Variants in AGO2 observed in about 807,000 individuals in gnomAD.
AGO2 encodes the protein argonaute RISC catalytic component 2.
Under a neutral mutation model 102.3 loss-of-function variants are expected in AGO2, and 5 were observed. The observed-to-expected ratio is 0.05, with a 90% confidence interval of 0.03 to 0.10. The LOEUF is 0.10. AGO2 is among the 10% of genes least tolerant of loss of function. The pLI is 1.00. For missense variants in AGO2, 541 were observed against 1,183.7 expected (o/e 0.46, Z 7.97); for synonymous variants, 449 against 473.1 (o/e 0.95, Z 0.66).
chr8:140,571,666 C>G (rs1470657716), intron 3 of AGO2, among the ~76,000 whole-genome samples: 2 of 152,214 alleles, frequency 1.3e-5, no homozygotes, highest in Non-Finnish European at 2.9e-5. Flanking sequence ...ATGTTGTTCC[C>G]AGAGGGAATC....
chr8:140,610,638 C>G (rs1345006433), intron 1 of AGO2, among the ~76,000 whole-genome samples: 12 of 152,224 alleles, frequency 7.9e-5, no homozygotes. Flanking sequence ...AGCAGGGAGC[C>G]CGGCTCCCAT....
intron 1 of AGO2, among the ~76,000 whole-genome samples, chr8:140,630,418 C>G (rs1262659402): frequency 6.6e-6 from 1 of 152,210 alleles, no homozygotes; most frequent in Non-Finnish European, 1.5e-5. Flanking sequence ...GCGATTTGGT[C>G]ACAACGTGTA....
rs543534813 is a variant in AGO2 at position 140,524,305 on chromosome 8, C to T, written c.*7739G>A. The T allele has an allele frequency of 1.3e-5, 2 of 152,334 alleles. No homozygotes were observed. Among genetic ancestry groups the T allele is most frequent in the South Asian group, 2.1e-4 (1 of 4,830 alleles). The allele number at this position is 152,334 out of a possible 1,614,324, so 9.4% of individuals were successfully genotyped here. A position where few individuals can be genotyped will look rare whatever the true frequency, so the allele number is the denominator to read the frequency against. On this transcript the variant is annotated 3_prime_UTR_variant, in exon 19 of 19. Transcript: ENST00000220592. Reference sequence around the variant, plus strand: ...TGACTATGAGAACAAGACCACCAGGCTTTGCTGATGGTCATGGTCAATGCA... The same window carrying T: ...TGACTATGAGAACAAGACCACCAGGTTTTGCTGATGGTCATGGTCAATGCA...
chr8:140,538,593 C>CA (rs2072738645), intron 16 of AGO2, among the ~76,000 whole-genome samples: 1 of 152,230 alleles, frequency 6.6e-6, no homozygotes, highest in Admixed American at 6.5e-5. Flanking sequence ...TCAACGCCGC[C>CA]ACCTCTCCTC....
intron 17 of AGO2, among the ~76,000 whole-genome samples, chr8:140,534,952 CA>C (rs924412094): frequency 2.0e-5 from 3 of 152,236 alleles, no homozygotes; most frequent in African/African-American, 7.2e-5. Context: ...AGGAGAGCCT[CA>C]AGGTGGTAAC....
chr8:140,635,722 G>A (rs2074401181), upstream of AGO2: 1 of 148,080 alleles, frequency 6.8e-6, no homozygotes, highest in African/African-American at 2.5e-5. Context: ...GGGAGGGGGA[G>A]GGGAGGCGAG....
intron 7 of AGO2, among the ~76,000 whole-genome samples, chr8:140,558,084 G>A (rs191142698): frequency 7.2e-5 from 11 of 152,296 alleles, no homozygotes; most frequent in Admixed American, 5.2e-4. Context: ...CCCCCACTCC[G>A]GCCTGCGTAC....
chr8:140,541,341 G>A lies in AGO2; in HGVS notation c.1857C>T (p.Asp619=), dbSNP rs757196822. Residue 619 remains aspartate (D), a synonymous_variant, in exon 15 of 19, where the codon GAC becomes GAT. Coordinates refer to ENST00000220592, the MANE Select transcript of AGO2 (RefSeq NM_012154.5). ...TGGCGCAGTAGCGATTGGGGTGGGCGTCCATGCTGCCCACCACCTGCAGGA... is the reference window on the plus strand; with the variant it reads ...TGGCGCAGTAGCGATTGGGGTGGGCATCCATGCTGCCCACCACCTGCAGGA... The part of the protein sequence containing the change: ...PSIAAVVGSM[D]AHPNRYCATV... 55 of 1,607,016 alleles carry A rather than the reference G, an allele frequency of 3.4e-5. No homozygotes were observed. The East Asian group carries it at 4.7e-4, about 14-fold the overall frequency.
At chr8:140,550,940 CA>C (rs1205693648) in intron 11 of AGO2, among the ~76,000 whole-genome samples, 1 of 152,204 alleles carries the variant, frequency 6.6e-6, no homozygotes. Flanking sequence ...CTAATTTACA[CA>C]AATATGGAGC....
At position 140,531,970 on chromosome 8, in the gene AGO2, G is replaced by T; in HGVS notation, c.*74C>A. Reference sequence around the variant, plus strand: ...CGATGCTGGCTGTCACGGAAGGGCTGGCCATCTGTTGGTCTGAGTGTAGCT... The same window carrying T: ...CGATGCTGGCTGTCACGGAAGGGCTTGCCATCTGTTGGTCTGAGTGTAGCT... On this transcript the variant is annotated 3_prime_UTR_variant, in exon 19 of 19. Coordinates refer to ENST00000220592, the MANE Select transcript of AGO2 (RefSeq NM_012154.5). 1 of 1,278,200 alleles carries T rather than the reference G, an allele frequency of 7.8e-7. No individual in the cohort carries two copies. Among genetic ancestry groups the T allele is most frequent in the Non-Finnish European group, 1.1e-6 (1 of 881,018 alleles). The allele number at this position is 1,278,200 out of a possible 1,614,324, so 79.2% of individuals were successfully genotyped here.
intron 1 of AGO2, among the ~76,000 whole-genome samples, chr8:140,600,548 C>T (rs935303556): frequency 6.6e-6 from 1 of 152,158 alleles, no homozygotes; most frequent in Non-Finnish European, 1.5e-5. Flanking sequence ...GGCGTGGTGG[C>T]GCATGCCTGT....
intron 1 of AGO2, among the ~76,000 whole-genome samples, chr8:140,619,705 G>C (rs570720780): frequency 1.4e-4 from 22 of 152,242 alleles, no homozygotes; most frequent in African/African-American, 4.3e-4. Flanking sequence ...CAGGGGTGCG[G>C]GCCGGCAACT....
At chr8:140,634,192 C>T (rs922625632) in intron 1 of AGO2, among the ~76,000 whole-genome samples, 1 of 152,272 alleles carries the variant, frequency 6.6e-6, no homozygotes, top group Non-Finnish European at 1.5e-5. Context: ...TCAGACTCCG[C>T]CTTGTTGAAG....
intron 1 of AGO2, among the ~76,000 whole-genome samples, chr8:140,603,352 G>T (rs1310043865): frequency 6.6e-6 from 1 of 152,186 alleles, no homozygotes; most frequent in Non-Finnish European, 1.5e-5. Context: ...GGGATCCAGG[G>T]CCAGGTTGTT....
intron 1 of AGO2, among the ~76,000 whole-genome samples, chr8:140,633,806 A>T (rs2074369923): frequency 6.6e-6 from 1 of 152,152 alleles, no homozygotes; most frequent in Admixed American, 6.5e-5. Flanking sequence ...GAAGTTCTCA[A>T]CCTCTGTGAG....
rs767111867 is a variant in AGO2 at position 140,558,636 on chromosome 8, G to T, written c.791-64C>A. On this transcript the variant is annotated intron_variant, in intron 6 of 18. Transcript: ENST00000220592. Reference sequence around the variant, plus strand: ...CCCGACCTGAGTGCAGGCGCCACTTGCGAGAATCAGTTTTCATAGGAATGT... The same window carrying T: ...CCCGACCTGAGTGCAGGCGCCACTTTCGAGAATCAGTTTTCATAGGAATGT... The T allele has an allele frequency of 1.2e-4, 183 of 1,524,962 alleles. 1 individual carries two copies. Among genetic ancestry groups the T allele is most frequent in the Middle Eastern group, 6.8e-4 (4 of 5,918 alleles). 94.5% of individuals were successfully genotyped at this position (1,524,962 alleles called of 1,614,324 possible). A position where few individuals can be genotyped will look rare whatever the true frequency, so the allele number is the denominator to read the frequency against.
At chr8:140,544,092 C>T (rs369673012) in intron 14 of AGO2, 121 bp downstream of exon 14, 51 of 1,087,998 alleles carry the variant, frequency 4.7e-5, no homozygotes, top group Non-Finnish European at 5.8e-5. Flanking sequence ...CCGTCCCTAC[C>T]GCAGCTTAGT....
rs979005907 is a variant in AGO2 at position 140,540,219 on chromosome 8, C to T, written c.2035-765G>A. ...CCCAGGAGGCCATGGGTCTCGGGAACGAGCTCTGCTTCCGCTCTGGACTGG... is the reference window on the plus strand; with the variant it reads ...CCCAGGAGGCCATGGGTCTCGGGAATGAGCTCTGCTTCCGCTCTGGACTGG... On this transcript the variant is annotated intron_variant, in intron 15 of 18. Coordinates refer to ENST00000220592, the MANE Select transcript of AGO2 (RefSeq NM_012154.5). The surrounding 1 kb of genome is among the most constrained non-coding windows in gnomAD (Gnocchi z 5.0). 3.3e-5 allele frequency among the ~76,000 whole-genome samples: 5 copies of T among 152,218 alleles called. No individual in the cohort carries two copies. The highest frequency in any genetic ancestry group is 9.6e-5 in the African/African-American group (4 of 41,460).
At chr8:140,616,646 G>T (rs1211846490) in intron 1 of AGO2, among the ~76,000 whole-genome samples, 1 of 152,188 alleles carries the variant, frequency 6.6e-6, no homozygotes, top group Non-Finnish European at 1.5e-5. Flanking sequence ...CCATTTTACA[G>T]AGGAGGAGCT....
Sources: allele counts gnomAD v4.1 joint callset (sites outside exome capture counted in the v4.1 genomes callset), GRCh38; gene constraint gnomAD v4.1.1; non-coding constraint Gnocchi (gnomAD v3.1); transcripts MANE v1.5; gene names NCBI Gene and HGNC (gene_info 2026-07-23, HGNC 2026-07-21).